The following PCDH15 variants were observed in gnomAD, a reference collection of about 807,000 sequenced individuals.
PCDH15 encodes the protein protocadherin-15.
PCDH15 carries 129 observed loss-of-function variants against 178.5 expected under a neutral mutation model. That is an observed-to-expected ratio of 0.72 (90% CI 0.63 to 0.84). The LOEUF (loss-of-function observed/expected upper bound fraction) is 0.84. Among genes scored for constraint, PCDH15 ranks in the 40% least tolerant of loss-of-function variants. The pLI, the probability that PCDH15 is intolerant of heterozygous loss-of-function variation, is 0.00. For synonymous variants in PCDH15, 800 were observed against 732.0 expected (o/e 1.09, Z -1.50); for missense variants, 2,230 against 2,099.9 (o/e 1.06, Z -1.21).
At chr10:55,098,939 T>TA in intron 2 of PCDH15, among the ~76,000 whole-genome samples, 1 of 97,800 alleles carries the variant, frequency 1.0e-5, no homozygotes, top group South Asian at 3.4e-4. Flanking sequence ...AGAGAGCTCT[T>TA]ATCCTTTCTC....
intron 3 of PCDH15, among the ~76,000 whole-genome samples, chr10:54,418,007 G>A (rs1478916944): frequency 2.0e-5 from 3 of 152,118 alleles, no homozygotes; most frequent in Admixed American, 6.6e-5. Flanking sequence ...CAAACTACTG[G>A]CCCGAAAAGA....
rs544968261 is a variant in PCDH15 at position 54,087,203 on chromosome 10, C to A, written c.1997+2781G>T. Among the ~76,000 whole-genome samples, 27 of 145,366 alleles carry A rather than the reference C, an allele frequency of 1.9e-4. 1 individual carries two copies. Among genetic ancestry groups the A allele is most frequent in the South Asian group, 6.4e-4 (3 of 4,720 alleles). ...ATAAAATCCACCAATTTAAAGGGTACAATTCAATGGTTTTTAGCATAATCG... is the reference window on the plus strand; with the variant it reads ...ATAAAATCCACCAATTTAAAGGGTAAAATTCAATGGTTTTTAGCATAATCG... On this transcript the variant is annotated intron_variant, in intron 16 of 37. Coordinates refer to ENST00000644397, the MANE Select transcript of PCDH15 (RefSeq NM_001384140.1).
At chr10:55,240,774 T>C (rs549831169) in intron 1 of PCDH15, among the ~76,000 whole-genome samples, 3 of 152,196 alleles carry the variant, frequency 2.0e-5, no homozygotes, top group Non-Finnish European at 4.4e-5. Flanking sequence ...AAAATAAGTA[T>C]GTATTCACAA....
intron 2 of PCDH15, among the ~76,000 whole-genome samples, chr10:55,418,928 T>G (rs1358067776): frequency 6.6e-6 from 1 of 151,818 alleles, no homozygotes; most frequent in Non-Finnish European, 1.5e-5. Flanking sequence ...GTTTTCCTCA[T>G]GAATTCTTTT....
chr10:54,331,917 A>C (rs1391694356), intron 6 of PCDH15, among the ~76,000 whole-genome samples: 2 of 151,842 alleles, frequency 1.3e-5, no homozygotes, highest in Non-Finnish European at 2.9e-5. Flanking sequence ...ATGTGATTCC[A>C]TTTTGAGTAA....
At chr10:53,882,989 G>A (rs16937812) in intron 26 of PCDH15, among the ~76,000 whole-genome samples, 9,424 of 152,038 alleles carry the variant, frequency 0.062, 820 homozygotes, top group African/African-American at 0.19. Flanking sequence ...CCATTTACAG[G>A]CATCATTAAC....
At chr10:54,478,650 C>G (rs2078457118) in intron 3 of PCDH15, among the ~76,000 whole-genome samples, 1 of 152,068 alleles carries the variant, frequency 6.6e-6, no homozygotes, top group African/African-American at 2.4e-5. Flanking sequence ...TTGCTTTGCA[C>G]TCTCTTTACA....
chr10:53,848,170 A>G (rs1293309017), intron 28 of PCDH15, among the ~76,000 whole-genome samples: 1 of 151,914 alleles, frequency 6.6e-6, no homozygotes, highest in Non-Finnish European at 1.5e-5. Context: ...AAAGGAAGTG[A>G]TATATCTACC....
intron 2 of PCDH15, among the ~76,000 whole-genome samples, chr10:55,433,005 C>T (rs10159708): frequency 0.77 from 116,310 of 151,372 alleles, 45,991 homozygotes; most frequent in East Asian, 1. Flanking sequence ...GCCTGAGTGA[C>T]AGAGCAAGAC....
chr10:54,964,602 T>G (rs1232020891), intron 2 of PCDH15, among the ~76,000 whole-genome samples: 1 of 152,170 alleles, frequency 6.6e-6, no homozygotes, highest in Non-Finnish European at 1.5e-5. Flanking sequence ...GACAACCTGT[T>G]CCCTTTCCAT....
intron 3 of PCDH15, among the ~76,000 whole-genome samples, chr10:54,889,370 T>C (rs1954419012): frequency 6.6e-6 from 1 of 151,616 alleles, no homozygotes; most frequent in Non-Finnish European, 1.5e-5. Context: ...TTATTATCAA[T>C]AGCATAATGA....
At chr10:55,597,215 G>T (rs535733732) in intron 2 of PCDH15, 1 of 152,264 alleles carries the variant, frequency 6.6e-6, no homozygotes, top group South Asian at 2.1e-4. Context: ...ATTCATGCTT[G>T]AAGGGCATAA....
chr10:54,552,582 C>G (rs1184877137), intron 2 of PCDH15, among the ~76,000 whole-genome samples: 1 of 152,146 alleles, frequency 6.6e-6, no homozygotes, highest in Non-Finnish European at 1.5e-5. Context: ...ATTACTTACA[C>G]TTTATGTCTC....
intron 25 of PCDH15, among the ~76,000 whole-genome samples, chr10:53,930,206 C>G (rs748621189): frequency 1.6e-4 from 25 of 151,518 alleles, no homozygotes; most frequent in Non-Finnish European, 3.2e-4. Flanking sequence ...CGCCTGTAAT[C>G]CCAGCACTTT....
chr10:55,221,205 C>A (rs1390760958), intron 1 of PCDH15, among the ~76,000 whole-genome samples: 1 of 151,962 alleles, frequency 6.6e-6, no homozygotes, highest in Non-Finnish European at 1.5e-5. Flanking sequence ...CAAGAACAGG[C>A]AAAATTAGTC....
chr10:54,242,130 TTATATATATATATATATATATATA>T lies in PCDH15; in HGVS notation c.877-5223_877-5200del, dbSNP rs57729172. Among the ~76,000 whole-genome samples the T allele has an allele frequency of 0.026, 828 of 31,730 alleles. 90 individuals carry two copies. The East Asian group carries it at 0.32, about 12-fold the overall frequency. The allele number at this position is 31,730 out of a possible 152,430, so 20.8% of individuals were successfully genotyped here. A position where few individuals can be genotyped will look rare whatever the true frequency, so the allele number is the denominator to read the frequency against. On this transcript the variant is annotated intron_variant, in intron 8 of 37. Transcript: ENST00000644397. ...TGAACTTTTGGTCTGAATTCTATTTTTATATATATATATATATATATATATATATATATATATATATATATATAT... is the reference window on the plus strand; with the variant it reads ...TGAACTTTTGGTCTGAATTCTATTTTTATATATATATATATATATATATAT...
intron 15 of PCDH15, among the ~76,000 whole-genome samples, chr10:54,127,449 G>A (rs12258457): frequency 0.029 from 4,353 of 152,224 alleles, 222 homozygotes; most frequent in African/African-American, 0.098. Flanking sequence ...ATTTGTAGAA[G>A]TGTTAAAGGA....
At chr10:54,787,808 T>G (rs1951031575) in intron 1 of PCDH15, among the ~76,000 whole-genome samples, 1 of 151,984 alleles carries the variant, frequency 6.6e-6, no homozygotes. Flanking sequence ...AGCCTTAAGT[T>G]CAGCGAAGCT....
intron 2 of PCDH15, among the ~76,000 whole-genome samples, chr10:55,439,849 A>C (rs1348460047): frequency 6.6e-6 from 1 of 152,172 alleles, no homozygotes; most frequent in African/African-American, 2.4e-5. Flanking sequence ...CAAACACTAG[A>C]ATGAAACAGA....
Sources: gnomAD v4.1 joint callset for allele counts (sites outside exome capture counted in the v4.1 genomes callset) on GRCh38, gnomAD v4.1.1 for gene constraint, MANE v1.5 for transcripts, NCBI Gene and HGNC (gene_info 2026-07-23, HGNC 2026-07-21) for gene names.